SACS: variants seen among roughly 807,000 people sequenced by gnomAD.
SACS encodes the protein sacsin.
A neutral mutation model predicts 348.0 loss-of-function variants in SACS; 197 were observed. The observed-to-expected ratio is 0.57, with a 90% CI of 0.50 to 0.64. The LOEUF is 0.64. Among genes scored for constraint, SACS ranks in the 30% least tolerant of loss-of-function variants. SACS has a pLI of 0.00. For synonymous variants in SACS, 1,985 were observed against 1,910.6 expected (o/e 1.04, Z -1.02); for missense variants, 4,999 against 5,360.8 (o/e 0.93, Z 2.11).
In SACS at chr13:23,333,578, G is replaced by C. The variant is rs200991790; in HGVS notation, c.10298C>G (p.Thr3433Arg). ...IGKFGTCYVL[T>R]KSIPSAEVEK... ...CACTTCAGCTGAAGGGATACTTTTT[G>C]TAAGTACGTAGCATGTTCCAAATTT... Residue 3433 changes from threonine to arginine, a missense_variant, in exon 10 of 10, where the codon ACA (threonine) becomes AGA (arginine). Around this residue, in one of 6 missense-constraint regions of SACS, gnomAD observed 734 missense variants for 694.0 expected, o/e 1.06. Transcript: ENST00000382292. 28 of 1,613,642 alleles carry C rather than the reference G, an allele frequency of 1.7e-5. No homozygotes were observed. The highest frequency in any genetic ancestry group is 2.4e-5 in the Non-Finnish European group (28 of 1,179,708).
At chr13:23,421,173 G>T (rs1873924519) in intron 1 of SACS, among the ~76,000 whole-genome samples, 1 of 151,858 alleles carries the variant, frequency 6.6e-6, no homozygotes, top group South Asian at 2.1e-4. Context: ...TCCACCTGTG[G>T]CTTCCATAGC....
chr13:23,377,679 C>T lies in SACS; in HGVS notation c.21-2410G>A, dbSNP rs184159585. On this transcript the variant is annotated intron_variant, in intron 2 of 9. Coordinates refer to ENST00000382292, the MANE Select transcript of SACS (RefSeq NM_014363.6). The stretch of plus-strand genomic sequence containing the variant: ...GTGTTCCTTCCTTCCCCGGTACCCA[C>T]TCCTCCTTCAGATTCAACCTCAGCC... 1.8e-3 allele frequency among the ~76,000 whole-genome samples: 281 copies of T among 152,314 alleles called. 2 individuals carry two copies. Among genetic ancestry groups the T allele is most frequent in the Admixed American group, 0.015 (224 of 15,304 alleles).
chr13:23,341,481 C>T lies in SACS; in HGVS notation c.2395G>A (p.Glu799Lys). Residue 799 changes from glutamate to lysine, a missense_variant, in exon 10 of 10, where the codon GAG becomes AAG. Physicochemically the swap from Glu to Lys is moderately conservative, Grantham distance 56 (BLOSUM62 1). This residue lies in a region of SACS where 3,156 missense variants were observed against 3,380.1 expected (regional missense o/e 0.93). Coordinates refer to ENST00000382292, the MANE Select transcript of SACS (RefSeq NM_014363.6). ...HFSEDLTLFDEMPLIPRTILE... is the reference protein window; with the variant it reads ...HFSEDLTLFDKMPLIPRTILE... ...ATAGTTCTGGGGATAAGTGGCATCT[C>T]ATCAAATAAAGTCAAATCCTCTGAA... The T allele has an allele frequency of 6.2e-7, 1 of 1,613,972 alleles. No individual in the cohort carries two copies. Among genetic ancestry groups the T allele is most frequent in the Non-Finnish European group, 8.5e-7 (1 of 1,179,948 alleles).
Position 23,329,986 on chromosome 13 carries a change from TCATGTTCATAA to T in SACS, c.*139_*149del, listed in dbSNP as rs1420437517. 5 of 727,790 alleles carry T rather than the reference TCATGTTCATAA, an allele frequency of 6.9e-6. No individual in the cohort carries two copies. Among genetic ancestry groups the T allele is most frequent in the Non-Finnish European group, 1.1e-5 (5 of 439,236 alleles). The allele number at this position is 727,790 out of a possible 1,614,324, so 45.1% of individuals were successfully genotyped here. A position where few individuals can be genotyped will look rare whatever the true frequency, so the allele number is the denominator to read the frequency against. On this transcript the variant is annotated 3_prime_UTR_variant, in exon 10 of 10. Coordinates refer to ENST00000382292, the MANE Select transcript of SACS (RefSeq NM_014363.6). ...TTCAGTTAAGGTTTTCCGTTGGTAT[TCATGTTCATAA>T]CAACTCCAGAATTCTCCAAGAACAA...
At position 23,341,010 on chromosome 13, in the gene SACS, G is replaced by A. The variant is rs1402706515; in HGVS notation, c.2866C>T (p.Leu956Phe). The change falls in exon 10 of 10, where the codon CTC (leucine) becomes TTC (phenylalanine). Residue 956 changes from leucine to phenylalanine, a missense_variant. Around this residue, in one of 6 missense-constraint regions of SACS, gnomAD observed 3,156 missense variants for 3,380.1 expected, o/e 0.93. Coordinates refer to ENST00000382292, the MANE Select transcript of SACS (RefSeq NM_014363.6). ...ATAGAAAGTCGCAGATCTGCTGGGA[G>A]TTTGGCAGTATGGTGTAAGACTTTA... Reference protein sequence around the residue: ...GCKVLHHTAKLPADLRLSISV... With the variant: ...GCKVLHHTAKFPADLRLSISV... 1.9e-6 allele frequency: 3 copies of A among 1,613,980 alleles called. No individual in the cohort carries two copies. The highest frequency in any genetic ancestry group is 2.5e-6 in the Non-Finnish European group (3 of 1,179,962).
intron 9 of SACS, among the ~76,000 whole-genome samples, chr13:23,349,228 T>G (rs1005827755): frequency 1.3e-5 from 2 of 151,992 alleles, no homozygotes; most frequent in African/African-American, 4.8e-5. Flanking sequence ...GGCAGTGGAG[T>G]AAGACCAAGG....
rs753967068 is a variant in SACS at position 23,370,352 on chromosome 13, C to T, written c.259+726G>A. ...AACTTGATGCATTTGGAGATAAGTA[C>T]GTACCATGAAACCATCAAACTATCA... On this transcript the variant is annotated intron_variant, in intron 4 of 9. Transcript: ENST00000382292. Among the ~76,000 whole-genome samples the T allele has an allele frequency of 5.3e-5, 8 of 152,312 alleles. No individual in the cohort carries two copies. The East Asian group carries it at 9.6e-4, about 18-fold the overall frequency.
At chr13:23,414,361 T>C (rs1308633677) in intron 1 of SACS, among the ~76,000 whole-genome samples, 1 of 152,118 alleles carries the variant, frequency 6.6e-6, no homozygotes, top group Non-Finnish European at 1.5e-5. Context: ...ACATGCAGGT[T>C]TTATATGATA....
intron 2 of SACS, among the ~76,000 whole-genome samples, chr13:23,405,942 A>G (rs1037949288): frequency 4.6e-5 from 7 of 152,194 alleles, no homozygotes; most frequent in African/African-American, 1.7e-4. Flanking sequence ...TGTTGGTGGG[A>G]GTGTAAATTA....
chr13:23,368,638 G>A (rs956540337), intron 4 of SACS, among the ~76,000 whole-genome samples, 151 bp from the exon 5 acceptor site: 9 of 152,278 alleles, frequency 5.9e-5, no homozygotes, highest in East Asian at 1.9e-4. Flanking sequence ...TCTACCTGAC[G>A]AAGCAATTCA....
intron 2 of SACS, among the ~76,000 whole-genome samples, chr13:23,407,692 CTT>C (rs1873292749): frequency 6.6e-6 from 1 of 152,154 alleles, no homozygotes; most frequent in Middle Eastern, 3.2e-3. Flanking sequence ...CTAAAATAGA[CTT>C]TCTCTTTAAC....
intron 2 of SACS, among the ~76,000 whole-genome samples, chr13:23,409,040 C>CTTTTTTTTTTTT (rs1175897856): frequency 0.016 from 546 of 35,146 alleles, 180 homozygotes; most frequent in Non-Finnish European, 0.017. Flanking sequence ...ACAAGTTTTA[C>CTTTTTTTTTTTT]TTTTTTTTTT....
At chr13:23,380,197 A>T (rs1361878957) in intron 2 of SACS, among the ~76,000 whole-genome samples, 1 of 151,794 alleles carries the variant, frequency 6.6e-6, no homozygotes, top group African/African-American at 2.4e-5. Flanking sequence ...GTTTACAAAG[A>T]GAACTGACTT....
intron 2 of SACS, among the ~76,000 whole-genome samples, chr13:23,387,178 G>A (rs1009928639): frequency 3.9e-5 from 6 of 151,976 alleles, no homozygotes; most frequent in Admixed American, 3.9e-4. Context: ...AACGAATGTC[G>A]GCCGGGCGCG....
chr13:23,385,903 GGCGACCAGGT>G (rs1396599437), intron 2 of SACS, among the ~76,000 whole-genome samples: 1 of 152,168 alleles, frequency 6.6e-6, no homozygotes, highest in Admixed American at 6.5e-5. Context: ...AGAGCTCTTG[GGCGACCAGGT>G]GCAATGTCAA....
intron 2 of SACS, among the ~76,000 whole-genome samples, chr13:23,403,255 A>T (rs189052321): frequency 6.6e-6 from 1 of 152,188 alleles, no homozygotes; most frequent in African/African-American, 2.4e-5. Context: ...AGGTTTTGGT[A>T]TCAGGATGAT....
chr13:23,371,800 C>G (rs935871502), intron 3 of SACS, among the ~76,000 whole-genome samples: 1 of 152,068 alleles, frequency 6.6e-6, no homozygotes, highest in African/African-American at 2.4e-5. Context: ...ACCAAAAAGG[C>G]AAGAGAATAA....
chr13:23,338,517 C>T lies in SACS; in HGVS notation c.5359G>A (p.Asp1787Asn). The T allele has an allele frequency of 6.2e-7, 1 of 1,614,166 alleles. No individual in the cohort carries two copies. Among genetic ancestry groups the T allele is most frequent in the Non-Finnish European group, 8.5e-7 (1 of 1,180,010 alleles). ...LQSPLFRGPD[D>N]DPAALFEMAK... ...ATTTCAAAGAGAGCAGCTGGGTCAT[C>T]ATCTGGACCTCTAAAAAGTGGCGAC... The change falls in exon 10 of 10, where the codon GAT becomes AAT. Residue 1787 changes from aspartate (D) to asparagine (N), a missense_variant. Asp to Asn is a conservative substitution (Grantham distance 23). Coordinates refer to ENST00000382292, the MANE Select transcript of SACS (RefSeq NM_014363.6).
Position 23,353,820 on chromosome 13 carries a change from A to G in SACS, c.2150T>C (p.Leu717Pro), listed in dbSNP as rs1870131378. The G allele has an allele frequency of 1.2e-6, 2 of 1,611,244 alleles. No individual in the cohort carries two copies. The highest frequency in any genetic ancestry group is 8.5e-7 in the Non-Finnish European group (1 of 1,177,526). The change falls in exon 9 of 10, where the codon CTT becomes CCT. Residue 717 changes from leucine to proline, a missense_variant. Physicochemically the swap from Leu to Pro is moderately conservative, Grantham distance 98. Coordinates refer to ENST00000382292, the MANE Select transcript of SACS (RefSeq NM_014363.6). The part of the protein sequence containing the change: ...RFILDNLKPH[L>P]VAALKEAAQT... Reference sequence around the variant, plus strand: ...GGCAGCTTCCTTTAAAGCAGCCACAAGGTGAGGTTTCAAGTTATCCAAAAT... The same window carrying G: ...GGCAGCTTCCTTTAAAGCAGCCACAGGGTGAGGTTTCAAGTTATCCAAAAT...
Sources: allele counts gnomAD v4.1 joint callset (sites outside exome capture counted in the v4.1 genomes callset), GRCh38; gene constraint gnomAD v4.1.1; regional missense constraint gnomAD v4.1.1; transcripts MANE v1.5; gene names NCBI Gene and HGNC (gene_info 2026-07-23, HGNC 2026-07-21).